KIAA0586: variants seen among roughly 807,000 people sequenced by gnomAD.
The protein encoded by KIAA0586 is KIAA0586.
KIAA0586 carries 144 observed loss-of-function variants against 169.8 expected under a neutral mutation model. The ratio of observed to expected loss-of-function variants is 0.85; its 90% CI spans 0.74 to 0.97. The LOEUF is 0.97. Ranked by LOEUF, KIAA0586 falls within the 50% of genes least tolerant of loss-of-function variation. The pLI is 0.00. For synonymous variants in KIAA0586, 625 were observed against 612.4 expected, an observed-to-expected ratio of 1.02 and a Z score of -0.30; for missense variants, 1,854 against 1,823.0, an observed-to-expected ratio of 1.02 and a Z score of -0.31.
In KIAA0586 at chr14:58,460,289, C is replaced by G. The variant is rs2040219672; in HGVS notation, c.1884+219C>G. Among the ~76,000 whole-genome samples the G allele has an allele frequency of 1.3e-5, 2 of 152,068 alleles. 1 individual carries two copies. The highest frequency in any genetic ancestry group is 1.3e-4 in the Admixed American group (2 of 15,262). On this transcript the variant is annotated intron_variant, in intron 13 of 30. Coordinates refer to ENST00000652326, the MANE Select transcript of KIAA0586 (RefSeq NM_001329943.3). ...TTCCTTTCTTATGAGATCTCACACC[C>G]TGGCATCATGATTTTGTAGTTATAG...
chr14:58,543,831 A>T, intron 30 of KIAA0586: 1 of 440,214 alleles, frequency 2.3e-6, no homozygotes, highest in Non-Finnish European at 4.5e-6. Context: ...TCTATTTTCC[A>T]CACAGCTATT....
rs544878298 is a variant in KIAA0586, at chr14:58,513,306, T to C, written c.4429+679T>C. Among the ~76,000 whole-genome samples the C allele has an allele frequency of 1.2e-4, 18 of 152,274 alleles. 1 individual carries two copies. Among genetic ancestry groups the C allele is most frequent in the African/African-American group, 4.1e-4 (17 of 41,592 alleles). On this transcript the variant is annotated intron_variant, in intron 29 of 30. Transcript: ENST00000652326. ...TCTGCCCACAATTCTGGAAGAAGTA[T>C]TAGAAATATTTTGAGAAGTGGAATT...
intron 8 of KIAA0586, among the ~76,000 whole-genome samples, chr14:58,451,521 C>G (rs2039388959): frequency 6.6e-6 from 1 of 152,132 alleles, no homozygotes; most frequent in Admixed American, 6.5e-5. Context: ...GCCACTGTGC[C>G]TGGGCAAGTT....
At chr14:58,521,030 G>A (rs545801953) in intron 29 of KIAA0586, 2 of 327,106 alleles carry the variant, frequency 6.1e-6, no homozygotes, top group Admixed American at 8.5e-5. Flanking sequence ...AAGAAGAAAG[G>A]CCATTTTGTG....
At chr14:58,446,358 A>G (rs949307363) in intron 6 of KIAA0586, among the ~76,000 whole-genome samples, 4 of 151,580 alleles carry the variant, frequency 2.6e-5, no homozygotes, top group Admixed American at 1.3e-4. Flanking sequence ...TTAGCTGGGC[A>G]TGGTGGCACA....
chr14:58,470,803 T>A, intron 17 of KIAA0586, 80 bp downstream of exon 17: 1 of 684,784 alleles, frequency 1.5e-6, no homozygotes, highest in Non-Finnish European at 2.5e-6. Context: ...TTAAAGCCTT[T>A]TATCATAATG....
chr14:58,448,134 A>G (rs1379602316), intron 6 of KIAA0586, among the ~76,000 whole-genome samples: 1 of 152,230 alleles, frequency 6.6e-6, no homozygotes, highest in Non-Finnish European at 1.5e-5. Flanking sequence ...CAGCAGAGTC[A>G]GGCTTAGTCA....
chr14:58,522,000 T>C, intron 29 of KIAA0586: 1 of 1,301,928 alleles, frequency 7.7e-7, no homozygotes, highest in East Asian at 2.3e-5. Context: ...AAGCACATAG[T>C]GGGGTTTAGA....
At chr14:58,489,629 T>C (rs1397003959) in intron 24 of KIAA0586, among the ~76,000 whole-genome samples, 1 of 152,162 alleles carries the variant, frequency 6.6e-6, no homozygotes. Context: ...TTTAATCCCT[T>C]AATAGAGGGC....
intron 29 of KIAA0586, among the ~76,000 whole-genome samples, chr14:58,531,216 A>C (rs1178501848): frequency 6.6e-6 from 1 of 151,666 alleles, no homozygotes; most frequent in East Asian, 1.9e-4. Flanking sequence ...AGTCCCAGCT[A>C]CTTTGGAGGC....
chr14:58,488,567 G>C, intron 23 of KIAA0586, 54 bp from the exon 24 acceptor site: 1 of 1,577,526 alleles, frequency 6.3e-7, no homozygotes, highest in African/African-American at 1.4e-5. Flanking sequence ...ATATCAAAAT[G>C]AATACAGGCC....
intron 4 of KIAA0586, chr14:58,441,190 C>A: frequency 1.3e-5 from 2 of 157,688 alleles, no homozygotes; most frequent in Non-Finnish European, 1.3e-5. Flanking sequence ...TCTTACAATT[C>A]TTTTTTTTTT....
rs1397006484 is a variant in KIAA0586, at chr14:58,492,284, T to G, written c.3990+9T>G. 6.5e-7 allele frequency: 1 copy of G among 1,535,834 alleles called. No homozygotes were observed. Among genetic ancestry groups the G allele is most frequent in the Admixed American group, 2.2e-5 (1 of 46,108 alleles). On this transcript the variant is annotated intron_variant, in intron 26 of 30. Coordinates refer to ENST00000652326, the MANE Select transcript of KIAA0586 (RefSeq NM_001329943.3). ...CAGTCTATCATTCAGAGGTACTTTT[T>G]AACTTTAATGACTTTTTTTTGGTTA...
chr14:58,478,445 TGCACTCCAGCCTGG>T (rs1423041509), intron 20 of KIAA0586, among the ~76,000 whole-genome samples: 1 of 152,194 alleles, frequency 6.6e-6, no homozygotes, highest in Non-Finnish European at 1.5e-5. Flanking sequence ...GTCACGTCAC[TGCACTCCAGCCTGG>T]GCAATAGAGC....
rs2045212728 is a variant in KIAA0586 at position 58,521,362 on chromosome 14, C to G, written c.4429+8735C>G. On this transcript the variant is annotated intron_variant, in intron 29 of 30. Transcript: ENST00000652326. ...AAGTATTGCAAAATTGTGGGCTGCT[C>G]TGTTCATAAGGGCTTTGCCTTTGTT... 3 of 983,094 alleles carry G rather than the reference C, an allele frequency of 3.1e-6. No homozygotes were observed. The South Asian group carries it at 3.8e-5, about 12-fold the overall frequency. The allele number at this position is 983,094 out of a possible 1,614,324, so 60.9% of individuals were successfully genotyped here. A position where few individuals can be genotyped will look rare whatever the true frequency, so the allele number is the denominator to read the frequency against.
At chr14:58,559,411 G>C in the KIAA0586 span, among the ~76,000 whole-genome samples, 1 of 152,112 alleles carries the variant, frequency 6.6e-6, no homozygotes, top group Non-Finnish European at 1.5e-5. Flanking sequence ...GGATAAATGT[G>C]GATCTCACCA....
At chr14:58,508,781 C>T (rs570131003) in intron 28 of KIAA0586, 72 bp downstream of exon 28, 18 of 1,181,622 alleles carry the variant, frequency 1.5e-5, no homozygotes, top group South Asian at 9.9e-5. Context: ...CGTGGTACCC[C>T]GTCAAGAGCC....
chr14:58,441,559 A>C (rs2038373662), intron 4 of KIAA0586, among the ~76,000 whole-genome samples: 1 of 151,986 alleles, frequency 6.6e-6, no homozygotes, highest in Admixed American at 6.6e-5. Context: ...TAATGGAAAA[A>C]CCACAGCAGC....
At chr14:58,542,492 T>C (rs1297586321) in intron 30 of KIAA0586, among the ~76,000 whole-genome samples, 1 of 151,696 alleles carries the variant, frequency 6.6e-6, no homozygotes, top group East Asian at 1.9e-4. Flanking sequence ...AAAAAAAAAT[T>C]CCCAAAATAT....
Sources: allele counts gnomAD v4.1 joint callset (sites outside exome capture counted in the v4.1 genomes callset), GRCh38; gene constraint gnomAD v4.1.1; transcripts MANE v1.5; gene names NCBI Gene and HGNC (gene_info 2026-07-23, HGNC 2026-07-21).